The following CELF2 variants were observed in gnomAD, a reference collection of about 807,000 sequenced individuals.
CELF2 encodes CUG triplet repeat RNA-binding protein 2.
In CELF2, 8 loss-of-function variants were observed where a neutral mutation model predicts 62.6. The observed-to-expected ratio is 0.13, with a 90% confidence interval of 0.07 to 0.23. The LOEUF is 0.23. Ranked by LOEUF, CELF2 falls within the 10% of genes least tolerant of loss-of-function variation. The probability of loss-of-function intolerance (pLI) is 1.00; values close to 1 mark genes in which losing one functional copy is unlikely to be tolerated. For synonymous variants in CELF2, 258 were observed against 250.0 expected (o/e 1.03, Z -0.30); for missense variants, 333 against 671.0 (o/e 0.50, Z 5.56).
chr10:10,577,349 T>C, the CELF2 span, among the ~76,000 whole-genome samples: 1 of 147,660 alleles, frequency 6.8e-6, no homozygotes, highest in Non-Finnish European at 1.5e-5. Context: ...GGTCCAGTTG[T>C]TCTCAACAAA....
chr10:10,580,833 A>G, the CELF2 span, among the ~76,000 whole-genome samples: 1 of 152,216 alleles, frequency 6.6e-6, no homozygotes, highest in African/African-American at 2.4e-5. Flanking sequence ...TATTTACTGT[A>G]TGGTTGAGTC....
the CELF2 span, among the ~76,000 whole-genome samples, chr10:10,520,378 G>C: frequency 2.0e-5 from 3 of 152,186 alleles, no homozygotes; most frequent in African/African-American, 7.2e-5. Flanking sequence ...TCCAGGGTTA[G>C]GGGTAGGTAG....
intron 5 of CELF2, among the ~76,000 whole-genome samples, chr10:11,261,397 A>G (rs1029538624): frequency 2.1e-5 from 3 of 144,722 alleles, no homozygotes; most frequent in African/African-American, 7.6e-5. Flanking sequence ...GTCGTGCTAT[A>G]CTTTCAGTCG....
chr10:10,979,649 C>A (rs1309628885), intron 2 of CELF2, among the ~76,000 whole-genome samples: 1 of 125,870 alleles, frequency 7.9e-6, no homozygotes, highest in Non-Finnish European at 1.6e-5. Flanking sequence ...CCAGCCTGGG[C>A]GATAGAGCCA....
the CELF2 span, among the ~76,000 whole-genome samples, chr10:10,749,410 C>T: frequency 6.6e-6 from 1 of 152,170 alleles, no homozygotes; most frequent in African/African-American, 2.4e-5. Context: ...ATGTGCTATC[C>T]ATCAAAATTG....
intron 1 of CELF2, among the ~76,000 whole-genome samples, chr10:11,114,207 C>T (rs11256984): frequency 0.059 from 8,967 of 152,136 alleles, 372 homozygotes; most frequent in African/African-American, 0.11. Flanking sequence ...GCCAGGTGCT[C>T]AGAACATGCT....
At chr10:10,941,277 C>T (rs1029576809) in intron 2 of CELF2, among the ~76,000 whole-genome samples, 1 of 152,092 alleles carries the variant, frequency 6.6e-6, no homozygotes, top group South Asian at 2.1e-4. Flanking sequence ...GGAGTGTTTT[C>T]CTGCCCCCAG....
chr10:11,277,710 G>A (rs1484871664), intron 8 of CELF2, among the ~76,000 whole-genome samples: 3 of 152,194 alleles, frequency 2.0e-5, no homozygotes, highest in Non-Finnish European at 4.4e-5. Flanking sequence ...TGAGGATTTG[G>A]AGATAGTTTG....
At chr10:10,804,375 A>G (rs1449247478) in intron 1 of CELF2, among the ~76,000 whole-genome samples, 1 of 152,240 alleles carries the variant, frequency 6.6e-6, no homozygotes, top group Non-Finnish European at 1.5e-5. Context: ...CCATAGTCTA[A>G]CTTGGTCCAT....
chr10:11,066,267 T>C (rs1253605493), intron 1 of CELF2, among the ~76,000 whole-genome samples: 1 of 152,184 alleles, frequency 6.6e-6, no homozygotes, highest in East Asian at 1.9e-4. Flanking sequence ...TCATCTCTTT[T>C]CTGGAACCAC....
At chr10:10,751,350 A>T in the CELF2 span, among the ~76,000 whole-genome samples, 5 of 152,232 alleles carry the variant, frequency 3.3e-5, no homozygotes, top group Admixed American at 2.6e-4. Context: ...GGAGGTAGAG[A>T]CACAAATGTC....
At chr10:10,963,089 G>A (rs2049723768) in intron 2 of CELF2, among the ~76,000 whole-genome samples, 1 of 152,094 alleles carries the variant, frequency 6.6e-6, no homozygotes, top group South Asian at 2.1e-4. Flanking sequence ...TGCCCAGGCT[G>A]GAGTGCAGTG....
At chr10:11,155,576 A>G (rs2064186968) in intron 1 of CELF2, among the ~76,000 whole-genome samples, 1 of 152,096 alleles carries the variant, frequency 6.6e-6, no homozygotes. Flanking sequence ...CTCTAAGATC[A>G]TTTTTTTCTT....
At chr10:10,668,959 AAAAC>A in the CELF2 span, among the ~76,000 whole-genome samples, 8 of 152,186 alleles carry the variant, frequency 5.3e-5, no homozygotes, top group South Asian at 2.1e-4. Flanking sequence ...CCCTGACAAA[AAAAC>A]AAACAAACAA....
chr10:10,816,815 C>A (rs867032417), intron 1 of CELF2, among the ~76,000 whole-genome samples: 2 of 152,184 alleles, frequency 1.3e-5, no homozygotes, highest in Non-Finnish European at 2.9e-5. Flanking sequence ...TAAAGTTAAG[C>A]AGATACTCTT....
At chr10:10,834,889 G>A (rs896403503) in intron 1 of CELF2, among the ~76,000 whole-genome samples, 4 of 152,154 alleles carry the variant, frequency 2.6e-5, no homozygotes, top group Non-Finnish European at 4.4e-5. Context: ...ACCTTTCTCA[G>A]TGATTTGTGG....
At chr10:11,293,793 G>A (rs1236748161) in intron 9 of CELF2, among the ~76,000 whole-genome samples, 1 of 151,372 alleles carries the variant, frequency 6.6e-6, no homozygotes, top group Non-Finnish European at 1.5e-5. Context: ...CTCAAGTGTT[G>A]TTTGTTTTTT....
the CELF2 span, among the ~76,000 whole-genome samples, chr10:10,568,168 TTGAGAGAA>T: frequency 6.6e-6 from 1 of 151,900 alleles, no homozygotes; most frequent in East Asian, 1.9e-4. Context: ...AATGAAGAAG[TTGAGAGAA>T]TGAGAGCAAA....
intron 1 of CELF2, among the ~76,000 whole-genome samples, chr10:11,009,345 G>A (rs951607335): frequency 3.3e-5 from 5 of 151,868 alleles, no homozygotes; most frequent in Middle Eastern, 3.2e-3. Context: ...GTGCGCGTGT[G>A]TGTGAGTGTG....
Sources: gnomAD v4.1 joint callset for allele counts (sites outside exome capture counted in the v4.1 genomes callset) on GRCh38, gnomAD v4.1.1 for gene constraint, MANE v1.5 for transcripts, NCBI Gene and HGNC (gene_info 2026-07-23, HGNC 2026-07-21) for gene names.